The following LONRF1 variants were observed in gnomAD, a reference collection of about 807,000 sequenced individuals.
LONRF1 encodes LON peptidase N-terminal domain and ring finger 1, also known as LON peptidase N-terminal domain and RING finger protein 1.
A neutral mutation model predicts 85.8 loss-of-function variants in LONRF1; 37 were observed. The ratio of observed to expected loss-of-function variants is 0.43; its 90% CI spans 0.33 to 0.57. The LOEUF (loss-of-function observed/expected upper bound fraction) is 0.57, where lower values mean the gene tolerates loss of function less well. LONRF1 is among the 20% of genes least tolerant of loss of function. LONRF1 has a pLI of 0.04. For missense variants in LONRF1, 1,036 were observed against 978.0 expected (o/e 1.06, Z -0.79); for synonymous variants, 517 against 390.1 (o/e 1.33, Z -3.83).
Position 12,735,412 on chromosome 8 carries a change from C to A in LONRF1, c.1452-12G>T, listed in dbSNP as rs746061092. 4 of 1,524,498 alleles carry A rather than the reference C, an allele frequency of 2.6e-6. No homozygotes were observed. In the South Asian group the frequency reaches 4.6e-5, roughly 18 times the overall value. The allele number at this position is 1,524,498 out of a possible 1,614,324, so 94.4% of individuals were successfully genotyped here. On this transcript the variant is annotated splice_polypyrimidine_tract_variant and intron_variant, in intron 6 of 11. Transcript: ENST00000398246. ...GCTCAAAAAACAACCTGAAATCAACCAAGATACATGTTAGTTTTCACATTA... is the reference window on the plus strand; with the variant it reads ...GCTCAAAAAACAACCTGAAATCAACAAAGATACATGTTAGTTTTCACATTA...
chr8:12,753,207 T>C (rs1048658295), intron 1 of LONRF1: 2 of 152,152 alleles, frequency 1.3e-5, no homozygotes, highest in Non-Finnish European at 2.9e-5. Flanking sequence ...AATACAAAAA[T>C]CTCCGGGGTT....
At chr8:12,733,589 T>C (rs978745387) in intron 7 of LONRF1, among the ~76,000 whole-genome samples, 1 of 152,172 alleles carries the variant, frequency 6.6e-6, no homozygotes, top group African/African-American at 2.4e-5. Context: ...GTGACAGATA[T>C]ATAATATCTG....
At chr8:12,747,434 AAATAAGAGGT>A (rs1398750039) in intron 1 of LONRF1, among the ~76,000 whole-genome samples, 2 of 152,232 alleles carry the variant, frequency 1.3e-5, no homozygotes, top group Admixed American at 1.3e-4. Flanking sequence ...AAAAATATAG[AAATAAGAGGT>A]AAAAACTATC....
At chr8:12,727,119 CT>C (rs368812604) in intron 10 of LONRF1, 10,930 of 133,714 alleles carry the variant, frequency 0.082, 621 homozygotes, top group South Asian at 0.18. Flanking sequence ...CTTGTTAAAT[CT>C]TTTTTTTTTT....
chr8:12,732,341 C>T (rs902643394), intron 7 of LONRF1, among the ~76,000 whole-genome samples: 1 of 152,148 alleles, frequency 6.6e-6, no homozygotes, highest in Non-Finnish European at 1.5e-5. Flanking sequence ...ATTTTTCTTC[C>T]ATTGTCACCC....
At chr8:12,727,644 A>G (rs1186636466) in intron 10 of LONRF1, among the ~76,000 whole-genome samples, 1 of 152,178 alleles carries the variant, frequency 6.6e-6, no homozygotes, top group Non-Finnish European at 1.5e-5. Flanking sequence ...TTGTCATCAA[A>G]TCCAATAAGT....
intron 1 of LONRF1, among the ~76,000 whole-genome samples, chr8:12,748,520 C>T (rs1322738587): frequency 6.6e-6 from 1 of 152,192 alleles, no homozygotes; most frequent in Non-Finnish European, 1.5e-5. Flanking sequence ...AGATATACAA[C>T]ATTTCCAACA....
intron 8 of LONRF1, among the ~76,000 whole-genome samples, chr8:12,730,526 C>T (rs1001422890): frequency 6.7e-6 from 1 of 149,236 alleles, no homozygotes; most frequent in East Asian, 2.2e-4. Flanking sequence ...CCTGTCGCTT[C>T]TCTTCTCTCC....
intron 8 of LONRF1, among the ~76,000 whole-genome samples, chr8:12,730,545 G>C (rs150502499): frequency 6.6e-6 from 1 of 151,926 alleles, no homozygotes; most frequent in Non-Finnish European, 1.5e-5. Flanking sequence ...CCAATGCGCA[G>C]CTCTCTGTGT....
At position 12,751,460 on chromosome 8, in the gene LONRF1, C is replaced by A. The variant is rs550667309; in HGVS notation, c.721+3240G>T. Among the ~76,000 whole-genome samples the A allele has an allele frequency of 2.0e-5, 3 of 150,994 alleles. No homozygotes were observed. The South Asian group carries it at 6.3e-4, about 32-fold the overall frequency. On this transcript the variant is annotated intron_variant, in intron 1 of 11. Coordinates refer to ENST00000398246, the MANE Select transcript of LONRF1 (RefSeq NM_152271.5). The stretch of plus-strand genomic sequence containing the variant: ...CGGGAACTACAGGCATGCACCACCA[C>A]GCCTGGGTAATTTTTTGTATCTCTA...
At chr8:12,749,739 C>G (rs549652842) in intron 1 of LONRF1, among the ~76,000 whole-genome samples, 1 of 151,854 alleles carries the variant, frequency 6.6e-6, no homozygotes, top group Admixed American at 6.5e-5. Flanking sequence ...CCCTGAGGCA[C>G]TAAGAAAAAA....
intron 1 of LONRF1, among the ~76,000 whole-genome samples, chr8:12,746,039 C>T (rs757045607): frequency 2.6e-5 from 4 of 152,188 alleles, no homozygotes; most frequent in African/African-American, 4.8e-5. Context: ...ATTGTATTCT[C>T]TATTATTGAC....
At chr8:12,734,047 T>G (rs1475418827) in intron 7 of LONRF1, among the ~76,000 whole-genome samples, 2 of 152,146 alleles carry the variant, frequency 1.3e-5, no homozygotes, top group Non-Finnish European at 2.9e-5. Flanking sequence ...CCACAATTAC[T>G]TTTGCACCAA....
At chr8:12,740,183 G>A (rs1050962056) in intron 3 of LONRF1, among the ~76,000 whole-genome samples, 1 of 152,150 alleles carries the variant, frequency 6.6e-6, no homozygotes, top group Non-Finnish European at 1.5e-5. Context: ...CATCATGACT[G>A]GGACCCTGAA....
chr8:12,729,293 G>A lies in LONRF1; in HGVS notation c.1728C>T (p.Ala576=), dbSNP rs1422292346. The A allele has an allele frequency of 1.2e-6, 2 of 1,613,842 alleles. No homozygotes were observed. Among genetic ancestry groups the A allele is most frequent in the Non-Finnish European group, 1.7e-6 (2 of 1,179,846 alleles). The change falls in exon 9 of 12, where the codon GCC becomes GCT. Residue 576 remains alanine (A), a synonymous_variant. Coordinates refer to ENST00000398246, the MANE Select transcript of LONRF1 (RefSeq NM_152271.5). The part of the protein sequence containing the change: ...KNVPIFVCTM[A]YPTVPCPLHV... ...GGAGAGGGCAAGGCACAGTGGGGTA[G>A]GCCATAGTGCAAACAAATATTGGAA...
chr8:12,742,738 G>T lies in LONRF1; in HGVS notation c.840+426C>A, dbSNP rs1356065471. Among the ~76,000 whole-genome samples, 3 of 62,352 alleles carry T rather than the reference G, an allele frequency of 4.8e-5. No homozygotes were observed. In the East Asian group the frequency reaches 2.3e-3, roughly 48 times the overall value. 40.9% of individuals were successfully genotyped at this position (62,352 alleles called of 152,430 possible). A position where few individuals can be genotyped will look rare whatever the true frequency, so the allele number is the denominator to read the frequency against. On this transcript the variant is annotated intron_variant, in intron 2 of 11. Coordinates refer to ENST00000398246, the MANE Select transcript of LONRF1 (RefSeq NM_152271.5). Reference sequence around the variant, plus strand: ...ATGATACTCCTCCACTCAAAATATTGAACCTAGATTTTTTTTGAGACAGGG... The same window carrying T: ...ATGATACTCCTCCACTCAAAATATTTAACCTAGATTTTTTTTGAGACAGGG...
chr8:12,727,826 T>C (rs75315454), intron 10 of LONRF1, among the ~76,000 whole-genome samples: 5 of 152,294 alleles, frequency 3.3e-5, no homozygotes, highest in East Asian at 1.9e-4. Context: ...AGTACCCCCA[T>C]AGCATTTTTA....
chr8:12,723,985 C>T (rs1029351845), intron 11 of LONRF1, among the ~76,000 whole-genome samples: 3 of 152,150 alleles, frequency 2.0e-5, no homozygotes, highest in Admixed American at 6.5e-5. Flanking sequence ...CTTCACTGAA[C>T]CTTAAATTGC....
intron 4 of LONRF1, 51 bp from the exon 5 acceptor site, chr8:12,737,191 T>G (rs1798753575): frequency 6.3e-7 from 1 of 1,587,984 alleles, no homozygotes; most frequent in Admixed American, 1.7e-5. Context: ...CTATCCTTTA[T>G]TCCTCTCACC....
Sources: gnomAD v4.1 joint callset for allele counts (sites outside exome capture counted in the v4.1 genomes callset) on GRCh38, gnomAD v4.1.1 for gene constraint, MANE v1.5 for transcripts, NCBI Gene and HGNC (gene_info 2026-07-23, HGNC 2026-07-21) for gene names.